Variants in FARP1 observed in about 807,000 individuals in gnomAD.
The protein encoded by FARP1 is FERM, ARHGEF and pleckstrin domain-containing protein 1.
A neutral mutation model predicts 128.8 loss-of-function variants in FARP1; 52 were observed. That is an observed-to-expected ratio of 0.40 (90% CI 0.32 to 0.51). The LOEUF is 0.51. Ranked by LOEUF, FARP1 falls within the 20% of genes least tolerant of loss-of-function variation. The pLI is 0.45. For missense variants in FARP1, 1,333 were observed against 1,367.9 expected, an observed-to-expected ratio of 0.97 and a Z score of 0.40; for synonymous variants, 580 against 551.8, an observed-to-expected ratio of 1.05 and a Z score of -0.72.
chr13:98,305,118 ATT>A (rs10624948), intron 2 of FARP1, among the ~76,000 whole-genome samples: 1 of 102,916 alleles, frequency 9.7e-6, no homozygotes. Context: ...ATATATATAT[ATT>A]TTTTAATTTA....
At chr13:98,238,218 A>G (rs1312451923) in intron 2 of FARP1, among the ~76,000 whole-genome samples, 1 of 152,224 alleles carries the variant, frequency 6.6e-6, no homozygotes, top group Non-Finnish European at 1.5e-5. Context: ...TATCTGCGAA[A>G]CAGGTTTTCA....
chr13:98,376,128 G>A (rs1889573402), intron 5 of FARP1, among the ~76,000 whole-genome samples: 1 of 152,114 alleles, frequency 6.6e-6, no homozygotes, highest in South Asian at 2.1e-4. Context: ...TTTATCCTTT[G>A]TGTTACAAAC....
intron 2 of FARP1, among the ~76,000 whole-genome samples, chr13:98,339,725 A>C (rs1887884421): frequency 6.6e-6 from 1 of 152,186 alleles, no homozygotes; most frequent in African/African-American, 2.4e-5. Context: ...ATTTGGTGCC[A>C]AAGAAAAGTC....
chr13:98,324,078 G>A (rs115813305), intron 2 of FARP1, among the ~76,000 whole-genome samples: 2,237 of 152,262 alleles, frequency 0.015, 60 homozygotes, highest in African/African-American at 0.052. Flanking sequence ...AAATTTCCTC[G>A]TAAAGTTTCA....
chr13:98,448,080 G>A (rs1045206982), intron 26 of FARP1, 156 bp from the exon 27 acceptor site: 26 of 662,248 alleles, frequency 3.9e-5, no homozygotes, highest in Middle Eastern at 4.1e-4. Context: ...CCTCAGGAAC[G>A]CCTGGGTGCT....
intron 2 of FARP1, among the ~76,000 whole-genome samples, chr13:98,278,390 T>A (rs1304546855): frequency 6.6e-6 from 1 of 152,076 alleles, no homozygotes; most frequent in Non-Finnish European, 1.5e-5. Context: ...GTGTGCACGT[T>A]GCATATGTGT....
At chr13:98,417,493 G>T (rs535082075) in intron 16 of FARP1, among the ~76,000 whole-genome samples, 3 of 134,614 alleles carry the variant, frequency 2.2e-5, no homozygotes, top group Admixed American at 7.4e-5. Context: ...AAGAACACAT[G>T]GGGGTGGAGG....
chr13:98,411,968 A>G lies in FARP1; in HGVS notation c.1760A>G (p.Asn587Ser), dbSNP rs772969170. ...PEALKSLIFP[N>S]FEPLHKFHTN... ...GCACTGAAAAGTCTCATATTCCCGA[A>G]TTTTGAACCTTTGCACAAATTTCAT... The change falls in exon 16 of 27, where the codon AAT (asparagine) becomes AGT (serine). Residue 587 changes from asparagine to serine, a missense_variant. Coordinates refer to ENST00000319562, the MANE Select transcript of FARP1 (RefSeq NM_005766.4). The G allele has an allele frequency of 7.4e-6, 12 of 1,614,004 alleles. No homozygotes were observed. Among genetic ancestry groups the G allele is most frequent in the African/African-American group, 1.3e-5 (1 of 74,920 alleles).
intron 24 of FARP1, among the ~76,000 whole-genome samples, chr13:98,443,618 G>C (rs747018624): frequency 6.6e-6 from 1 of 152,164 alleles, no homozygotes; most frequent in Non-Finnish European, 1.5e-5. Context: ...TCTGGGGACC[G>C]TGTGGCCTCA....
intron 7 of FARP1, 64 bp downstream of exon 7, chr13:98,384,908 G>A (rs1890040840): frequency 1.1e-6 from 1 of 927,962 alleles, no homozygotes; most frequent in East Asian, 2.4e-5. Context: ...AACCTACATG[G>A]GTGTACATCC....
Position 98,213,253 on chromosome 13 carries a change from T to A in FARP1, c.11T>A (p.Ile4Lys). Residue 4 changes from isoleucine (I) to lysine (K), a missense_variant, in exon 2 of 27, where the codon ATA becomes AAA. Coordinates refer to ENST00000319562, the MANE Select transcript of FARP1 (RefSeq NM_005766.4). Reference sequence around the variant, plus strand: ...TAAGCCGCTTTCATCATGGGAGAAATAGAGCAGAGGCCGACCCCAGGATCA... The same window carrying A: ...TAAGCCGCTTTCATCATGGGAGAAAAAGAGCAGAGGCCGACCCCAGGATCA... MGEIEQRPTPGSRL... is the reference protein window; with the variant it reads MGEKEQRPTPGSRL... 4 of 1,612,376 alleles carry A rather than the reference T, an allele frequency of 2.5e-6. No individual in the cohort carries two copies. Among genetic ancestry groups the A allele is most frequent in the Non-Finnish European group, 3.4e-6 (4 of 1,179,526 alleles).
intron 19 of FARP1, among the ~76,000 whole-genome samples, chr13:98,436,629 C>T (rs373743229): frequency 6.6e-5 from 10 of 152,320 alleles, no homozygotes; most frequent in African/African-American, 2.4e-4. Flanking sequence ...TGTTTTGGAG[C>T]ATTTCTGTCA....
At chr13:98,292,722 C>T (rs1057082248) in intron 2 of FARP1, among the ~76,000 whole-genome samples, 11 of 152,036 alleles carry the variant, frequency 7.2e-5, no homozygotes, top group African/African-American at 2.7e-4. Context: ...ACATGTCACT[C>T]ATTGTTGTCC....
At chr13:98,273,384 A>G (rs962271546) in intron 2 of FARP1, among the ~76,000 whole-genome samples, 6 of 152,326 alleles carry the variant, frequency 3.9e-5, no homozygotes, top group South Asian at 4.1e-4. Flanking sequence ...TGCGAATCTT[A>G]TGATCTCTAG....
chr13:98,250,350 A>T (rs1442809138), intron 2 of FARP1, among the ~76,000 whole-genome samples: 2 of 152,236 alleles, frequency 1.3e-5, no homozygotes, highest in Non-Finnish European at 2.9e-5. Flanking sequence ...TTTCTCACAT[A>T]ATCTGTCAAA....
intron 17 of FARP1, 29 bp downstream of exon 17, chr13:98,424,679 A>ACCTT: frequency 6.7e-7 from 1 of 1,484,458 alleles, no homozygotes; most frequent in Non-Finnish European, 9.4e-7. Flanking sequence ...GGGTGGAGCA[A>ACCTT]GGTTCACCAA....
chr13:98,450,909 G>A lies in FARP1; in HGVS notation c.*2592G>A, dbSNP rs1223864898. ...AACAGCCCAGGAGAGAATGTACACA[G>A]AGGCGAGCTTTCTAACTCCATCAAA... On this transcript the variant is annotated 3_prime_UTR_variant, in exon 27 of 27. Coordinates refer to ENST00000319562, the MANE Select transcript of FARP1 (RefSeq NM_005766.4). The A allele has an allele frequency of 6.6e-6, 1 of 152,216 alleles. No homozygotes were observed. Among genetic ancestry groups the A allele is most frequent in the African/African-American group, 2.4e-5 (1 of 41,450 alleles). 9.4% of individuals were successfully genotyped at this position (152,216 alleles called of 1,614,324 possible).
chr13:98,404,878 C>T (rs899931844), intron 13 of FARP1: 3 of 152,142 alleles, frequency 2.0e-5, no homozygotes, highest in African/African-American at 7.2e-5. Context: ...ATTCAATAAG[C>T]ATATCTTGGA....
Position 98,453,144 on chromosome 13 carries a change from AAAAC to A in FARP1, c.*4831_*4834del, listed in dbSNP as rs757607147. 8 of 1,613,346 alleles carry A rather than the reference AAAAC, an allele frequency of 5.0e-6. No homozygotes were observed. Among genetic ancestry groups the A allele is most frequent in the Non-Finnish European group, 6.8e-6 (8 of 1,179,692 alleles). ...AGGAGGATGAAGAAGGAAAAAAGGA[AAAAC>A]AAAACCCCAAATGCCAAAGGAATTT... On this transcript the variant is annotated 3_prime_UTR_variant, in exon 27 of 27. Coordinates refer to ENST00000319562, the MANE Select transcript of FARP1 (RefSeq NM_005766.4).
Sources: gnomAD v4.1 joint callset for allele counts (sites outside exome capture counted in the v4.1 genomes callset) on GRCh38, gnomAD v4.1.1 for gene constraint, MANE v1.5 for transcripts, NCBI Gene and HGNC (gene_info 2026-07-23, HGNC 2026-07-21) for gene names.